Variants in PDE11A observed in about 807,000 individuals in gnomAD.
PDE11A encodes the protein dual 3',5'-cyclic-AMP and -GMP phosphodiesterase 11A.
Under a neutral mutation model 100.5 loss-of-function variants are expected in PDE11A, and 100 were observed. The ratio of observed to expected loss-of-function variants is 1.00; its 90% CI spans 0.85 to 1.18. The LOEUF is 1.18. PDE11A is among the 50% of genes most tolerant of loss of function. PDE11A has a pLI of 0.00. For missense variants in PDE11A, 1,141 were observed against 1,152.6 expected, an observed-to-expected ratio of 0.99 and a Z score of 0.15; for synonymous variants, 381 against 420.8, an observed-to-expected ratio of 0.91 and a Z score of 1.16.
intron 9 of PDE11A, among the ~76,000 whole-genome samples, chr2:177,797,882 G>C (rs563515890): frequency 3.9e-5 from 6 of 152,180 alleles, no homozygotes; most frequent in Admixed American, 2.0e-4. Flanking sequence ...CTGCCAACAT[G>C]ATCTCTCTAA....
At chr2:177,645,268 C>A (rs1356381315) in intron 19 of PDE11A, among the ~76,000 whole-genome samples, 1 of 152,198 alleles carries the variant, frequency 6.6e-6, no homozygotes, top group Non-Finnish European at 1.5e-5. Flanking sequence ...TCACTGCAAC[C>A]TCCACCTCCT....
At chr2:178,025,946 C>T (rs2086473092) in intron 1 of PDE11A, among the ~76,000 whole-genome samples, 1 of 152,182 alleles carries the variant, frequency 6.6e-6, no homozygotes. Context: ...AGGGAACTAT[C>T]AGCATGAAGC....
chr2:177,664,654 T>C (rs1225544523), intron 18 of PDE11A, among the ~76,000 whole-genome samples: 1 of 152,172 alleles, frequency 6.6e-6, no homozygotes, highest in Non-Finnish European at 1.5e-5. Context: ...GGAATTTTAG[T>C]GTTAAAATTA....
At chr2:178,043,374 A>AGATCAAGG (rs2086706679) in intron 1 of PDE11A, among the ~76,000 whole-genome samples, 1 of 152,200 alleles carries the variant, frequency 6.6e-6, no homozygotes, top group Admixed American at 6.5e-5. Context: ...CAGAAAAGAC[A>AGATCAAGG]GATCAAGGTT....
intron 2 of PDE11A, among the ~76,000 whole-genome samples, chr2:177,907,610 C>T (rs1052907344): frequency 6.6e-6 from 1 of 152,150 alleles, no homozygotes; most frequent in African/African-American, 2.4e-5. Context: ...TTTTATGTTT[C>T]TGTACACGTG....
At chr2:177,776,372 G>A (rs1258860149) in intron 9 of PDE11A, among the ~76,000 whole-genome samples, 3 of 152,050 alleles carry the variant, frequency 2.0e-5, no homozygotes, top group Admixed American at 1.3e-4. Context: ...AAACAAATCC[G>A]GAAAACGCTA....
chr2:178,060,313 C>T (rs1185444030), intron 1 of PDE11A, among the ~76,000 whole-genome samples: 1 of 151,816 alleles, frequency 6.6e-6, no homozygotes, highest in African/African-American at 2.4e-5. Context: ...ATGATTAGTA[C>T]ATATATGGAA....
At chr2:177,769,151 C>T (rs1311351789) in intron 10 of PDE11A, among the ~76,000 whole-genome samples, 172 bp downstream of exon 10, 1 of 152,044 alleles carries the variant, frequency 6.6e-6, no homozygotes, top group Non-Finnish European at 1.5e-5. Context: ...CTCAGTTATA[C>T]AAAAGTCCTT....
intron 2 of PDE11A, among the ~76,000 whole-genome samples, chr2:177,908,434 G>T (rs1245943588): frequency 6.6e-6 from 1 of 152,188 alleles, no homozygotes; most frequent in Non-Finnish European, 1.5e-5. Flanking sequence ...GAAAGTTGGG[G>T]CAGAAAAGAA....
intron 10 of PDE11A, among the ~76,000 whole-genome samples, chr2:177,758,926 T>A (rs2082133852): frequency 6.6e-6 from 1 of 152,196 alleles, no homozygotes. Context: ...CATTATTATA[T>A]CTCGATATTA....
intron 1 of PDE11A, among the ~76,000 whole-genome samples, chr2:178,060,382 G>T (rs1300973019): frequency 6.6e-6 from 1 of 152,164 alleles, no homozygotes; most frequent in Non-Finnish European, 1.5e-5. Flanking sequence ...CACACTCAGA[G>T]ATTACCTCTA....
At chr2:177,842,043 G>C (rs865996700) in intron 5 of PDE11A, among the ~76,000 whole-genome samples, 7 of 152,344 alleles carry the variant, frequency 4.6e-5, no homozygotes, top group Middle Eastern at 3.4e-3. Flanking sequence ...ACTTAGTGAA[G>C]TCATTTCTAA....
At chr2:178,018,503 A>G (rs148015385) in intron 1 of PDE11A, 16 of 482,168 alleles carry the variant, frequency 3.3e-5, no homozygotes, top group Admixed American at 2.2e-4. Flanking sequence ...AATTCTTAAC[A>G]CCTTAAAAAG....
intron 1 of PDE11A, chr2:178,018,396 C>T (rs1423515582): frequency 4.2e-5 from 21 of 505,164 alleles, no homozygotes; most frequent in Admixed American, 1.0e-4. Context: ...TAACCTTTGC[C>T]GGGCTTTGTG....
rs370394303 is a variant in PDE11A at position 177,842,573 on chromosome 2, C to T, written c.1368-2190G>A. Among the ~76,000 whole-genome samples the T allele has an allele frequency of 1.9e-3, 288 of 152,276 alleles. 3 individuals carry two copies. The South Asian group carries it at 0.023, about 12-fold the overall frequency. ...TTAAGAATATGGAGCAGGGAAGTGA[C>T]GTGGTTTAAGATGTGATTTTAGAAA... On this transcript the variant is annotated intron_variant, in intron 5 of 19. Transcript: ENST00000286063.
Position 177,627,088 on chromosome 2 carries a change from C to T in PDE11A, c.*2319G>A, listed in dbSNP as rs1465812345. 8.7e-6 allele frequency: 1 copy of T among 114,394 alleles called. No individual in the cohort carries two copies. The highest frequency in any genetic ancestry group is 1.6e-5 in the Non-Finnish European group (1 of 61,054). 7.1% of individuals were successfully genotyped at this position (114,394 alleles called of 1,614,324 possible). On this transcript the variant is annotated 3_prime_UTR_variant, in exon 20 of 20. Transcript: ENST00000286063. ...CTCGCTGGTCGCCCAGGCTGGAGGG[C>T]AGTGACGTGATCTCGACTCACTGCA...
chr2:177,744,317 T>A (rs998254735), intron 10 of PDE11A, among the ~76,000 whole-genome samples: 1 of 148,506 alleles, frequency 6.7e-6, no homozygotes, highest in African/African-American at 2.5e-5. Context: ...GCCAACCAGT[T>A]GGACCTCTCT....
Position 178,085,707 on chromosome 2 carries a change from G to C in PDE11A, c.162+18595C>G, listed in dbSNP as rs548327125. On this transcript the variant is annotated intron_variant, in intron 2 of 20. Coordinates refer to the PDE11A transcript ENST00000358450. ...ATAAGCAGGGATTCAAGGGAAAATA[G>C]AGAATCCAGAGATCCTAGAAGTTGC... 5.3e-5 allele frequency among the ~76,000 whole-genome samples: 8 copies of C among 152,260 alleles called. 1 individual carries two copies. In the South Asian group the frequency reaches 1.7e-3, roughly 32 times the overall value.
intron 16 of PDE11A, among the ~76,000 whole-genome samples, chr2:177,680,334 A>G (rs1355532110): frequency 2.0e-5 from 3 of 152,154 alleles, no homozygotes; most frequent in African/African-American, 7.2e-5. Flanking sequence ...GTGGGTTGCT[A>G]CTGTCCTTTC....
Sources: allele counts gnomAD v4.1 joint callset (sites outside exome capture counted in the v4.1 genomes callset), GRCh38; gene constraint gnomAD v4.1.1; transcripts MANE v1.5; gene names NCBI Gene and HGNC (gene_info 2026-07-23, HGNC 2026-07-21).